Variants in CFAP299 observed in about 807,000 individuals in gnomAD.
The protein encoded by CFAP299 is cilia- and flagella-associated protein 299.
Under a neutral mutation model 27.0 loss-of-function variants are expected in CFAP299, and 21 were observed. That is an observed-to-expected ratio of 0.78 (90% confidence interval 0.55 to 1.12). The LOEUF is 1.12. CFAP299 is among the 50% of genes most tolerant of loss of function. The pLI is 0.00. For synonymous variants in CFAP299, 104 were observed against 98.1 expected (o/e 1.06, Z -0.36); for missense variants, 310 against 276.6 (o/e 1.12, Z -0.86).
At chr4:80,732,807 C>A (rs954553262) in intron 3 of CFAP299, among the ~76,000 whole-genome samples, 1 of 151,966 alleles carries the variant, frequency 6.6e-6, no homozygotes, top group Non-Finnish European at 1.5e-5. Flanking sequence ...GGATCTTCAA[C>A]GATGATATTT....
At chr4:80,411,526 C>A (rs1726719542) in intron 2 of CFAP299, among the ~76,000 whole-genome samples, 1 of 151,918 alleles carries the variant, frequency 6.6e-6, no homozygotes, top group African/African-American at 2.4e-5. Context: ...TATTTATTGT[C>A]TTTAGAAAAA....
intron 2 of CFAP299, among the ~76,000 whole-genome samples, chr4:80,561,011 T>G (rs1735013868): frequency 6.6e-6 from 1 of 152,128 alleles, no homozygotes; most frequent in Non-Finnish European, 1.5e-5. Context: ...TTGATGAGAC[T>G]CAGTGCTTTT....
At chr4:80,909,592 C>T (rs1461490135) in intron 4 of CFAP299, among the ~76,000 whole-genome samples, 1 of 151,898 alleles carries the variant, frequency 6.6e-6, no homozygotes, top group African/African-American at 2.4e-5. Context: ...ATTTTCTAAA[C>T]TTTCCTTTAA....
chr4:80,401,048 G>A (rs1425879492), intron 2 of CFAP299, among the ~76,000 whole-genome samples: 2 of 152,162 alleles, frequency 1.3e-5, no homozygotes, highest in East Asian at 3.8e-4. Flanking sequence ...AGATGATTTA[G>A]GGTATCTGGT....
intron 3 of CFAP299, among the ~76,000 whole-genome samples, chr4:80,696,307 A>G (rs1721088653): frequency 7.7e-6 from 1 of 130,410 alleles, no homozygotes; most frequent in African/African-American, 3.1e-5. Context: ...AAAAAAAAAA[A>G]AAGAAGAAGT....
intron 3 of CFAP299, among the ~76,000 whole-genome samples, chr4:80,594,686 T>G (rs1229795757): frequency 2.0e-5 from 3 of 152,150 alleles, no homozygotes; most frequent in Non-Finnish European, 2.9e-5. Context: ...TTGTTTTGCT[T>G]TGCTTGTTTT....
intron 1 of CFAP299, among the ~76,000 whole-genome samples, chr4:80,338,079 T>TTTCCTCTCTCTCTC (rs1253932250): frequency 1.3e-5 from 2 of 152,162 alleles, no homozygotes; most frequent in African/African-American, 4.8e-5. Flanking sequence ...AGTGAGCTGA[T>TTTCCTCTCTCTCTC]ACTTGTGCTT....
intron 2 of CFAP299, among the ~76,000 whole-genome samples, chr4:80,397,543 C>T (rs1189118280): frequency 6.6e-6 from 1 of 152,180 alleles, no homozygotes; most frequent in East Asian, 1.9e-4. Flanking sequence ...CCTCTACACA[C>T]TGCTTTAAAT....
At chr4:80,599,566 AT>A (rs772652440) in intron 3 of CFAP299, among the ~76,000 whole-genome samples, 4 of 151,302 alleles carry the variant, frequency 2.6e-5, no homozygotes, top group Non-Finnish European at 3.0e-5. Flanking sequence ...CTGTCCTATT[AT>A]TTTTTTTTAC....
intron 2 of CFAP299, among the ~76,000 whole-genome samples, chr4:80,439,009 A>G (rs1728223792): frequency 6.6e-6 from 1 of 152,214 alleles, no homozygotes; most frequent in Non-Finnish European, 1.5e-5. Context: ...CTATTTTTGT[A>G]TATAAATTTT....
chr4:80,752,421 T>C (rs919474452), intron 3 of CFAP299, among the ~76,000 whole-genome samples: 1 of 144,894 alleles, frequency 6.9e-6, no homozygotes, highest in Non-Finnish European at 1.5e-5. Context: ...TATATACACA[T>C]ATATATAAAT....
intron 3 of CFAP299, 41 bp from the exon 4 acceptor site, chr4:80,869,952 T>C (rs1253430478): frequency 1.9e-6 from 3 of 1,554,412 alleles, no homozygotes; most frequent in African/African-American, 2.8e-5. Flanking sequence ...ATAAATCAGC[T>C]CTTTTATATT....
At chr4:80,953,024 C>T (rs1446561621) in intron 5 of CFAP299, among the ~76,000 whole-genome samples, 1 of 152,134 alleles carries the variant, frequency 6.6e-6, no homozygotes. Context: ...AGTGAAGGTC[C>T]TCAGTTTTAA....
intron 1 of CFAP299, among the ~76,000 whole-genome samples, chr4:80,348,593 C>T (rs181876395): frequency 3.1e-4 from 47 of 152,280 alleles, no homozygotes; most frequent in Middle Eastern, 3.4e-3. Context: ...TACCATCTCA[C>T]GCCAGTAAGA....
At chr4:80,661,386 G>A (rs1465480067) in intron 3 of CFAP299, among the ~76,000 whole-genome samples, 1 of 151,288 alleles carries the variant, frequency 6.6e-6, no homozygotes, top group Non-Finnish European at 1.5e-5. Flanking sequence ...GGGACCGGCT[G>A]AAGCCATGTC....
At chr4:80,728,868 C>T (rs1723314729) in intron 3 of CFAP299, among the ~76,000 whole-genome samples, 1 of 152,206 alleles carries the variant, frequency 6.6e-6, no homozygotes, top group Admixed American at 6.5e-5. Context: ...CCTATCTTCA[C>T]TGGTGTGTGT....
intron 3 of CFAP299, among the ~76,000 whole-genome samples, chr4:80,836,924 C>A (rs533673427): frequency 2.4e-4 from 37 of 152,066 alleles, no homozygotes; most frequent in African/African-American, 8.7e-4. Context: ...AAGCATTACT[C>A]CTCCAAGCAT....
At chr4:80,591,104 A>ATTTTTTTTTTTTTTTTTTTTTTTTTTT in intron 3 of CFAP299, among the ~76,000 whole-genome samples, 1 of 116,498 alleles carries the variant, frequency 8.6e-6, no homozygotes, top group Non-Finnish European at 1.7e-5. Flanking sequence ...TACTTTAGGA[A>ATTTTTTTTTTTTTTTTTTTTTTTTTTT]ATTTTTTTTT....
rs182430193 is a variant in CFAP299 at position 80,469,657 on chromosome 4, G to A, written c.242+106773G>A. On this transcript the variant is annotated intron_variant, in intron 2 of 5. Transcript: ENST00000358105. Reference sequence around the variant, plus strand: ...AAGACCAGGTGAGAAATTTCTTTAAGAGTGTAATGCCAGAATAAATGTCTT... The same window carrying A: ...AAGACCAGGTGAGAAATTTCTTTAAAAGTGTAATGCCAGAATAAATGTCTT... Among the ~76,000 whole-genome samples the A allele has an allele frequency of 5.1e-3, 770 of 152,240 alleles. 3 individuals carry two copies. Among genetic ancestry groups the A allele is most frequent in the Middle Eastern group, 0.017 (5 of 294 alleles).
Sources: allele counts gnomAD v4.1 joint callset (sites outside exome capture counted in the v4.1 genomes callset), GRCh38; gene constraint gnomAD v4.1.1; transcripts MANE v1.5; gene names NCBI Gene and HGNC (gene_info 2026-07-23, HGNC 2026-07-21).